RSRC1: variants seen among roughly 807,000 people sequenced by gnomAD.
RSRC1 encodes serine/Arginine-related protein 53.
A neutral mutation model predicts 49.1 loss-of-function variants in RSRC1; 39 were observed. That is an observed-to-expected ratio of 0.79 (90% CI 0.61 to 1.04). The LOEUF is 1.04. Among genes scored for constraint, RSRC1 ranks in the 50% least tolerant of loss-of-function variants. RSRC1 has a pLI of 0.00. For synonymous variants in RSRC1, 143 were observed against 130.8 expected, an observed-to-expected ratio of 1.09 and a Z score of -0.63; for missense variants, 388 against 402.4, an observed-to-expected ratio of 0.96 and a Z score of 0.31.
At chr3:158,334,538 TG>T (rs1729755451) in intron 5 of RSRC1, among the ~76,000 whole-genome samples, 2 of 151,210 alleles carry the variant, frequency 1.3e-5, no homozygotes, top group Admixed American at 1.3e-4. Context: ...TGGAGTGCAG[TG>T]GTGCGATCTC....
At chr3:158,111,266 G>A (rs2108145067) in intron 1 of RSRC1, among the ~76,000 whole-genome samples, 1 of 152,286 alleles carries the variant, frequency 6.6e-6, no homozygotes, top group African/African-American at 2.4e-5. Flanking sequence ...TTCTTTGCAG[G>A]CAAAGATTTC....
chr3:158,263,891 T>A (rs544926729), intron 4 of RSRC1, among the ~76,000 whole-genome samples: 84 of 152,286 alleles, frequency 5.5e-4, no homozygotes, highest in Non-Finnish European at 9.9e-4. Context: ...TGTCACTTCG[T>A]TTATTTCTTA....
intron 3 of RSRC1, among the ~76,000 whole-genome samples, chr3:158,130,096 T>C (rs150472303): frequency 3.2e-4 from 48 of 152,340 alleles, no homozygotes; most frequent in African/African-American, 1.1e-3. Flanking sequence ...GGTCTAGTTC[T>C]GGTGAGGGCC....
At chr3:158,142,722 G>A (rs1029109433) in intron 3 of RSRC1, among the ~76,000 whole-genome samples, 5 of 151,986 alleles carry the variant, frequency 3.3e-5, no homozygotes, top group Non-Finnish European at 5.9e-5. Flanking sequence ...GCACCATGCC[G>A]TTCATGCCGT....
intron 7 of RSRC1, among the ~76,000 whole-genome samples, chr3:158,503,459 A>G (rs1739702083): frequency 6.6e-6 from 1 of 152,052 alleles, no homozygotes; most frequent in African/African-American, 2.4e-5. Flanking sequence ...CCAAGATTAT[A>G]TGCCCTTTGT....
intron 1 of RSRC1, among the ~76,000 whole-genome samples, chr3:158,119,411 T>G (rs961288917): frequency 6.6e-6 from 1 of 152,214 alleles, no homozygotes; most frequent in Non-Finnish European, 1.5e-5. Context: ...AAATTTATAC[T>G]TTTTAATTTC....
intron 6 of RSRC1, among the ~76,000 whole-genome samples, chr3:158,386,053 C>A (rs563060769): frequency 1.6e-4 from 25 of 152,138 alleles, no homozygotes; most frequent in African/African-American, 5.1e-4. Context: ...TGAAGAATTT[C>A]ATCTCTGATG....
intron 4 of RSRC1, among the ~76,000 whole-genome samples, chr3:158,217,672 C>T (rs185782972): frequency 6.6e-6 from 1 of 150,568 alleles, no homozygotes; most frequent in East Asian, 2.0e-4. Context: ...AAATGCCAGG[C>T]ACTGGGTTGT....
At chr3:158,382,619 C>T (rs970998229) in intron 6 of RSRC1, among the ~76,000 whole-genome samples, 1 of 152,130 alleles carries the variant, frequency 6.6e-6, no homozygotes, top group Non-Finnish European at 1.5e-5. Context: ...TTAGGTGTGG[C>T]TGGCCCTACT....
At chr3:158,349,931 T>C (rs1296853688) in intron 5 of RSRC1, among the ~76,000 whole-genome samples, 1 of 151,454 alleles carries the variant, frequency 6.6e-6, no homozygotes, top group Non-Finnish European at 1.5e-5. Context: ...CTCCCGACCT[T>C]GGGTGATCTG....
intron 4 of RSRC1, among the ~76,000 whole-genome samples, chr3:158,261,637 A>G (rs1559966618): frequency 2.6e-5 from 4 of 152,222 alleles, no homozygotes; most frequent in Admixed American, 6.5e-5. Context: ...CATCGCTTGC[A>G]TTACTGCCTG....
chr3:158,440,646 A>T (rs2108372836), intron 6 of RSRC1, among the ~76,000 whole-genome samples: 1 of 152,260 alleles, frequency 6.6e-6, no homozygotes, highest in African/African-American at 2.4e-5. Context: ...CATGTTTCAG[A>T]AATATTAGAG....
At chr3:158,200,240 A>C (rs1425642499) in intron 3 of RSRC1, among the ~76,000 whole-genome samples, 3 of 152,070 alleles carry the variant, frequency 2.0e-5, no homozygotes, top group Non-Finnish European at 4.4e-5. Context: ...GGGTTTCACC[A>C]TGTTAGCCCG....
At chr3:158,461,494 C>G (rs371951524) in intron 7 of RSRC1, among the ~76,000 whole-genome samples, 4 of 151,828 alleles carry the variant, frequency 2.6e-5, no homozygotes. Flanking sequence ...AGGCCATTCC[C>G]CCAAAATATT....
intron 6 of RSRC1, among the ~76,000 whole-genome samples, chr3:158,432,270 C>T (rs1450065358): frequency 2.6e-5 from 4 of 151,876 alleles, no homozygotes. Flanking sequence ...TAGACTGTGA[C>T]ACAGATTCTG....
chr3:158,486,105 A>G (rs1205584992), intron 7 of RSRC1, among the ~76,000 whole-genome samples: 1 of 152,136 alleles, frequency 6.6e-6, no homozygotes, highest in Non-Finnish European at 1.5e-5. Context: ...TTTTAGAACC[A>G]TTACAGATAT....
intron 6 of RSRC1, among the ~76,000 whole-genome samples, chr3:158,388,103 G>A (rs1210970626): frequency 6.6e-6 from 1 of 151,840 alleles, no homozygotes; most frequent in Non-Finnish European, 1.5e-5. Context: ...TCCAGTTGTT[G>A]ATCTTTGTAA....
rs372168263 is a variant in RSRC1 at position 158,330,693 on chromosome 3, C to A, written c.532-24164C>A. Among the ~76,000 whole-genome samples the A allele has an allele frequency of 9.2e-5, 14 of 152,136 alleles. 1 individual carries two copies. The South Asian group carries it at 2.9e-3, about 32-fold the overall frequency. On this transcript the variant is annotated intron_variant, in intron 5 of 9. Transcript: ENST00000611884. ...AGCTTTTCCATGTTTTAAATATTTT[C>A]TCTAGGTCCCCAAATTGGAAACATT...
chr3:158,496,050 T>C (rs146680201), intron 7 of RSRC1, among the ~76,000 whole-genome samples: 1 of 152,304 alleles, frequency 6.6e-6, no homozygotes, highest in Non-Finnish European at 1.5e-5. Flanking sequence ...GGGAATGATC[T>C]CTTCTTTTGT....
Sources: gnomAD v4.1 joint callset for allele counts (sites outside exome capture counted in the v4.1 genomes callset) on GRCh38, gnomAD v4.1.1 for gene constraint, MANE v1.5 for transcripts, NCBI Gene and HGNC (gene_info 2026-07-23, HGNC 2026-07-21) for gene names.